The following STARD8 variants were observed in gnomAD, a reference collection of about 807,000 sequenced individuals.
STARD8 encodes the protein StAR related lipid transfer domain containing 8.
STARD8 carries 25 observed loss-of-function variants against 69.4 expected under a neutral mutation model. That is an observed-to-expected ratio of 0.36 (90% confidence interval 0.26 to 0.50). STARD8 has a LOEUF of 0.50. STARD8 is among the 20% of genes least tolerant of loss of function. The probability of loss-of-function intolerance (pLI) is 0.96; values close to 1 mark genes in which losing one functional copy is unlikely to be tolerated. For missense variants in STARD8, 921 were observed against 932.5 expected, an observed-to-expected ratio of 0.99 and a Z score of 0.16; for synonymous variants, 389 against 374.6, an observed-to-expected ratio of 1.04 and a Z score of -0.45.
chrX:68,683,150 A>T (rs2079810956), intron 2 of STARD8, among the ~76,000 whole-genome samples: 1 of 112,056 alleles, frequency 8.9e-6, no homozygotes, highest in Non-Finnish European at 1.9e-5. Context: ...TGATCTTCTA[A>T]TTGGAATAAG....
Position 68,717,415 on chromosome X carries a change from C to T in STARD8, c.501C>T (p.Pro167=), listed in dbSNP as rs916315953. Residue 167 remains proline (P), a synonymous_variant, in exon 6 of 15, where the codon CCC becomes CCT. Transcript: ENST00000374599. ...SLPVITVSLP[P]EPADLPLPGR... is the part of the protein sequence containing the mutation. ...CAGTCATCACCGTGAGCCTACCACC[C>T]GAGCCAGCAGACTTGCCCTTGCCAG... The T allele has an allele frequency of 5.0e-6, 6 of 1,207,352 alleles. No individual in the cohort carries two copies. The African/African-American group carries it at 5.3e-5, about 11-fold the overall frequency.
At chrX:68,665,561 G>A in intron 2 of STARD8, 29 bp downstream of exon 2, 1 of 1,200,845 alleles carries the variant, frequency 8.3e-7, no homozygotes, top group South Asian at 1.8e-5. Context: ...CATTGCAAGT[G>A]GCATACAAAG....
chrX:68,678,902 A>G lies in STARD8; in HGVS notation c.79+13370A>G, dbSNP rs754556744. On this transcript the variant is annotated intron_variant, in intron 2 of 14. Coordinates refer to ENST00000374599, the MANE Select transcript of STARD8 (RefSeq NM_001142503.3). ...ACAAACGGCCTGTATTCAGATCCCC[A>G]TTTTGCCCCTCATTAGTTGTGTGAT... Among the ~76,000 whole-genome samples, 247 of 112,364 alleles carry G rather than the reference A, an allele frequency of 2.2e-3. 1 individual carries two copies. Among genetic ancestry groups the G allele is most frequent in the African/African-American group, 7.8e-3 (242 of 30,940 alleles).
At chrX:68,697,578 C>T (rs769722590) in intron 2 of STARD8, among the ~76,000 whole-genome samples, 5 of 112,848 alleles carry the variant, frequency 4.4e-5, no homozygotes, top group South Asian at 3.6e-4. Flanking sequence ...CCCTCCCCTG[C>T]GCCTGGCCCC....
rs1003728717 is a variant in STARD8 at position 68,704,900 on chromosome X, C to G, written c.80-8014C>G. On this transcript the variant is annotated intron_variant, in intron 2 of 14. Transcript: ENST00000374599. The stretch of plus-strand genomic sequence containing the variant: ...AGGTAATGGCTTGCCTGAGGTTATG[C>G]AAGTTGCTCATGGAGCTAAGGCCAG... Among the ~76,000 whole-genome samples, 7 of 111,866 alleles carry G rather than the reference C, an allele frequency of 6.3e-5. No individual in the cohort carries two copies. The East Asian group carries it at 2.0e-3, about 32-fold the overall frequency.
intron 2 of STARD8, among the ~76,000 whole-genome samples, chrX:68,682,903 C>T (rs1440939821): frequency 2.7e-5 from 3 of 111,981 alleles, no homozygotes; most frequent in Admixed American, 1.9e-4. Context: ...TGATGGGCAA[C>T]CATTTCTAAA....
chrX:68,719,463 G>A, intron 7 of STARD8, 65 bp downstream of exon 7: 1 of 1,083,640 alleles, frequency 9.2e-7, no homozygotes, highest in Non-Finnish European at 1.2e-6. Flanking sequence ...CCCAGGCAGG[G>A]TCAGCCCAGG....
In STARD8 at chrX:68,724,679, A is replaced by G; in HGVS notation, c.*257A>G. The G allele has an allele frequency of 3.4e-6, 1 of 292,515 alleles. No homozygotes were observed. Among genetic ancestry groups the G allele is most frequent in the Non-Finnish European group, 6.0e-6 (1 of 167,097 alleles). The allele number at this position is 292,515 out of a possible 1,213,427, so 24.1% of individuals were successfully genotyped here. A position where few individuals can be genotyped will look rare whatever the true frequency, so the allele number is the denominator to read the frequency against. On this transcript the variant is annotated 3_prime_UTR_variant, in exon 15 of 15. Transcript: ENST00000374599. ...TCTCCCGAAAAGAGAAGAGAATCGCATGAGTAGCAAGACTGCTGCCACCAG... is the reference window on the plus strand; with the variant it reads ...TCTCCCGAAAAGAGAAGAGAATCGCGTGAGTAGCAAGACTGCTGCCACCAG...
chrX:68,668,824 C>A (rs2079710297), intron 2 of STARD8, among the ~76,000 whole-genome samples: 1 of 112,113 alleles, frequency 8.9e-6, no homozygotes, highest in Non-Finnish European at 1.9e-5. Context: ...TAATATTTTT[C>A]TTTAAATCAA....
intron 10 of STARD8, 53 bp downstream of exon 10, chrX:68,721,799 C>A: frequency 8.9e-7 from 1 of 1,126,646 alleles, no homozygotes; most frequent in Non-Finnish European, 1.2e-6. Context: ...CAATTTGGGC[C>A]CCACTGGACT....
At chrX:68,716,531 G>A (rs1370300692) in intron 5 of STARD8, 100 bp downstream of exon 5, 1 of 838,545 alleles carries the variant, frequency 1.2e-6, no homozygotes, top group Admixed American at 2.6e-5. Flanking sequence ...TATCCCAGGA[G>A]TCTGAGATGT....
In STARD8 at chrX:68,718,072, T is replaced by C. The variant is rs756072446; in HGVS notation, c.1158T>C (p.Ala386=). 1 of 1,211,244 alleles carries C rather than the reference T, an allele frequency of 8.3e-7. No individual in the cohort carries two copies. Among genetic ancestry groups the C allele is most frequent in the Non-Finnish European group, 1.1e-6 (1 of 895,314 alleles). ...ATGAGGAGAGTGGGGGCAGCTATGC[T>C]CACCTAGACGACATCCTCCAGCACG... ...EDDEESGGSY[A]HLDDILQHVW... Residue 386 remains alanine (A), a synonymous_variant, in exon 6 of 15, where the codon GCT becomes GCC. Coordinates refer to ENST00000374599, the MANE Select transcript of STARD8 (RefSeq NM_001142503.3).
chrX:68,707,559 T>G (rs920392919), intron 2 of STARD8, among the ~76,000 whole-genome samples: 5 of 111,614 alleles, frequency 4.5e-5, no homozygotes, highest in African/African-American at 1.6e-4. Context: ...CCCAGAGAGT[T>G]TAATTTAACT....
At chrX:68,652,525 G>A (rs1188583112) in intron 1 of STARD8, among the ~76,000 whole-genome samples, 1 of 111,144 alleles carries the variant, frequency 9.0e-6, no homozygotes, top group Non-Finnish European at 1.9e-5. Context: ...GATGAACCCA[G>A]TATAAATAGT....
intron 1 of STARD8, chrX:68,655,980 C>T (rs1331052314): frequency 9.0e-6 from 1 of 111,567 alleles, no homozygotes; most frequent in Non-Finnish European, 1.9e-5. Context: ...AGGTTGGAGA[C>T]ATGTGAGGGA....
intron 2 of STARD8, among the ~76,000 whole-genome samples, chrX:68,704,145 T>G (rs2079987259): frequency 9.0e-6 from 1 of 111,003 alleles, no homozygotes; most frequent in Non-Finnish European, 1.9e-5. Context: ...AAGCCCCCAG[T>G]TGAATGGGGG....
chrX:68,652,872 C>CACCACACACACA (rs777903190), intron 1 of STARD8, among the ~76,000 whole-genome samples: 1 of 27,238 alleles, frequency 3.7e-5, no homozygotes, highest in Non-Finnish European at 5.8e-5. Flanking sequence ...CACACACACA[C>CACCACACACACA]CCACACCCCA....
At position 68,655,006 on chromosome X, in the gene STARD8, A is replaced by G. The variant is rs2079602658; in HGVS notation, c.45+7079A>G. Among the ~76,000 whole-genome samples, 4 of 112,151 alleles carry G rather than the reference A, an allele frequency of 3.6e-5. No individual in the cohort carries two copies. In the South Asian group the frequency reaches 1.5e-3, roughly 42 times the overall value. On this transcript the variant is annotated intron_variant, in intron 1 of 14. Coordinates refer to ENST00000374599, the MANE Select transcript of STARD8 (RefSeq NM_001142503.3). ...CACATGCAGTGTGTATTTGTTGTGG[A>G]AGGGGCAGGGGGAGTATAGAGAATT...
chrX:68,647,790 G>T lies in STARD8; in HGVS notation c.-93G>T. 1 of 1,087,970 alleles carries T rather than the reference G, an allele frequency of 9.2e-7. No individual in the cohort carries two copies. The allele number at this position is 1,087,970 out of a possible 1,213,427, so 89.7% of individuals were successfully genotyped here. A position where few individuals can be genotyped will look rare whatever the true frequency, so the allele number is the denominator to read the frequency against. ...CGCAGGGACCGGGCTGGCTCTCGCC[G>T]AGCCCCGGGCCTCTTTTAGCCTCGT... On this transcript the variant is annotated 5_prime_UTR_variant, in exon 1 of 15. Transcript: ENST00000374599.
Sources: allele counts gnomAD v4.1 joint callset (sites outside exome capture counted in the v4.1 genomes callset), GRCh38; gene constraint gnomAD v4.1.1; transcripts MANE v1.5; gene names NCBI Gene and HGNC (gene_info 2026-07-23, HGNC 2026-07-21).